The following DPYD variants were observed in gnomAD, a reference collection of about 807,000 sequenced individuals.
The protein encoded by DPYD is dihydropyrimidine dehydrogenase [NADP(+)].
DPYD carries 109 observed loss-of-function variants against 116.2 expected under a neutral mutation model. That is an observed-to-expected ratio of 0.94 (90% CI 0.80 to 1.10). The LOEUF (loss-of-function observed/expected upper bound fraction) is 1.10. DPYD is among the 50% of genes least tolerant of loss of function. DPYD has a pLI of 0.00. For synonymous variants in DPYD, 440 were observed against 432.0 expected (o/e 1.02, Z -0.23); for missense variants, 1,302 against 1,254.5 (o/e 1.04, Z -0.57).
At chr1:97,457,214 A>G (rs1676737139) in intron 13 of DPYD, among the ~76,000 whole-genome samples, 1 of 152,134 alleles carries the variant, frequency 6.6e-6, no homozygotes. Flanking sequence ...AAAACTGACC[A>G]GACTGAATGT....
In DPYD at chr1:97,082,436, G is replaced by A. The variant is rs1452056769; in HGVS notation, c.2801C>T (p.Thr934Ile). The change falls in exon 22 of 23, where the codon ACA becomes ATA. Residue 934 changes from threonine (T) to isoleucine (I), a missense_variant. By Grantham distance (89) the Thr-to-Ile change is moderately conservative. Transcript: ENST00000370192. ...CTCTACGTTGCTCAATTCACCAAAT[G>A]TTCCAAGGTACTGCAGTGCTTTTCC... ...VIGKALQYLGTFGELSNVEQV... is the reference protein window; with the variant it reads ...VIGKALQYLGIFGELSNVEQV... The A allele has an allele frequency of 3.1e-6, 5 of 1,613,464 alleles. No individual in the cohort carries two copies. Among genetic ancestry groups the A allele is most frequent in the Non-Finnish European group, 4.2e-6 (5 of 1,179,644 alleles).
intron 3 of DPYD, among the ~76,000 whole-genome samples, chr1:97,822,597 A>C (rs1412109816): frequency 6.6e-6 from 1 of 151,592 alleles, no homozygotes; most frequent in Non-Finnish European, 1.5e-5. Flanking sequence ...AAATTAATAC[A>C]AAAAAAAGTA....
At chr1:97,834,774 A>T (rs1156959808) in intron 2 of DPYD, among the ~76,000 whole-genome samples, 1 of 151,950 alleles carries the variant, frequency 6.6e-6, no homozygotes, top group African/African-American at 2.4e-5. Flanking sequence ...AAAAAAAAAA[A>T]ATGAGTCAAT....
rs940778446 is a variant in DPYD, at chr1:97,187,920, C to T, written c.2622+5149G>A. ...TCTTTCTGGGTTCTTTATTCTGTTC[C>T]ATTGATCCATGTGTCTATTTTTGTA... On this transcript the variant is annotated intron_variant, in intron 20 of 22. Coordinates refer to ENST00000370192, the MANE Select transcript of DPYD (RefSeq NM_000110.4). Among the ~76,000 whole-genome samples, 4 of 152,044 alleles carry T rather than the reference C, an allele frequency of 2.6e-5. 1 individual carries two copies. The highest frequency in any genetic ancestry group is 9.7e-5 in the African/African-American group (4 of 41,384).
chr1:97,912,488 A>C (rs1028968085), intron 1 of DPYD, among the ~76,000 whole-genome samples: 2 of 152,120 alleles, frequency 1.3e-5, no homozygotes, highest in South Asian at 4.1e-4. Flanking sequence ...TATATGACTA[A>C]AAGTATTTAG....
At chr1:97,914,270 G>A (rs1208625618) in intron 1 of DPYD, among the ~76,000 whole-genome samples, 5 of 152,114 alleles carry the variant, frequency 3.3e-5, no homozygotes, top group Non-Finnish European at 5.9e-5. Flanking sequence ...TTTCCTAGGA[G>A]CTAAAAGAGT....
intron 16 of DPYD, among the ~76,000 whole-genome samples, chr1:97,336,573 ACT>A (rs1343781099): frequency 1.3e-5 from 2 of 152,092 alleles, no homozygotes; most frequent in African/African-American, 4.8e-5. Context: ...ACAAGGCAAA[ACT>A]CTGTCTCTAC....
intron 21 of DPYD, among the ~76,000 whole-genome samples, chr1:97,088,236 T>G (rs1649658052): frequency 6.6e-6 from 1 of 152,228 alleles, no homozygotes; most frequent in Non-Finnish European, 1.5e-5. Context: ...TTAGGTTTAC[T>G]AAAGGTGGGA....
chr1:97,887,521 C>T (rs1672564976), intron 1 of DPYD, among the ~76,000 whole-genome samples: 1 of 143,664 alleles, frequency 7.0e-6, no homozygotes, highest in Admixed American at 7.0e-5. Context: ...AGTAACAAGT[C>T]GCCCTCCTCT....
In DPYD at chr1:97,078,985, C is replaced by T. The variant is rs749122978; in HGVS notation, c.3069G>A (p.Pro1023=). 3.5e-5 allele frequency: 56 copies of T among 1,613,386 alleles called. No homozygotes were observed. Among genetic ancestry groups the T allele is most frequent in the Non-Finnish European group, 3.9e-5 (46 of 1,179,588 alleles). The change falls in exon 23 of 23, where the codon CCG becomes CCA. Residue 1023 remains proline (P), a synonymous_variant. Coordinates refer to ENST00000370192, the MANE Select transcript of DPYD (RefSeq NM_000110.4). The part of the protein sequence containing the change: ...PKRGVPLSVN[P]VC ...TGTTTCACAAATCACCTTAACACAC[C>T]GGATTCACAGATAAGGGTACGCCTC...
intron 12 of DPYD, among the ~76,000 whole-genome samples, chr1:97,545,176 G>GA (rs1018719966): frequency 1.3e-5 from 2 of 151,882 alleles, no homozygotes; most frequent in African/African-American, 2.4e-5. Context: ...GTCTTATAAT[G>GA]AAAAAAAATT....
intron 2 of DPYD, among the ~76,000 whole-genome samples, chr1:97,843,908 ATACT>A (rs1670163095): frequency 1.3e-5 from 2 of 152,222 alleles, no homozygotes; most frequent in Admixed American, 1.3e-4. Flanking sequence ...AAAAATATAC[ATACT>A]TCAAATGTTT....
intron 12 of DPYD, among the ~76,000 whole-genome samples, chr1:97,523,151 A>G (rs1030231941): frequency 1.2e-4 from 19 of 152,180 alleles, no homozygotes; most frequent in African/African-American, 4.6e-4. Flanking sequence ...CAAAAGGAAA[A>G]GAAGCTGAAG....
intron 7 of DPYD, among the ~76,000 whole-genome samples, chr1:97,679,579 C>T (rs2100918403): frequency 6.6e-6 from 1 of 152,210 alleles, no homozygotes; most frequent in South Asian, 2.1e-4. Context: ...GCTATGATCA[C>T]CACATGTGTA....
intron 11 of DPYD, among the ~76,000 whole-genome samples, chr1:97,567,572 C>G (rs1652610235): frequency 1.3e-5 from 2 of 152,146 alleles, no homozygotes; most frequent in African/African-American, 4.8e-5. Flanking sequence ...TGTCTCCGCT[C>G]TACTGAGCAG....
In DPYD at chr1:97,679,048, TA is replaced by T. The variant is rs761223240; in HGVS notation, c.850+46del. ...CATTCTTCTGGATATTGCTAGGAAA[TA>T]AAAAAATACATTATAAATAAATATA... On this transcript the variant is annotated intron_variant, in intron 8 of 22. Transcript: ENST00000370192. 31 of 950,624 alleles carry T rather than the reference TA, an allele frequency of 3.3e-5. No individual in the cohort carries two copies. In the South Asian group the frequency reaches 4.3e-4, roughly 13 times the overall value. 58.9% of individuals were successfully genotyped at this position (950,624 alleles called of 1,614,324 possible).
intron 7 of DPYD, among the ~76,000 whole-genome samples, chr1:97,682,503 T>C (rs887173100): frequency 2.0e-5 from 3 of 151,854 alleles, no homozygotes; most frequent in African/African-American, 4.9e-5. Flanking sequence ...AAATAATCTA[T>C]TCTTAGAAAG....
At chr1:97,481,247 C>A (rs757426801) in intron 13 of DPYD, among the ~76,000 whole-genome samples, 1 of 151,736 alleles carries the variant, frequency 6.6e-6, no homozygotes, top group Non-Finnish European at 1.5e-5. Flanking sequence ...TTTTTTTGCA[C>A]ATATTATTTG....
At chr1:97,272,506 T>C (rs1431189501) in intron 18 of DPYD, among the ~76,000 whole-genome samples, 1 of 152,164 alleles carries the variant, frequency 6.6e-6, no homozygotes. Context: ...AAGATCTTCA[T>C]TAATGATTAA....
Sources: gnomAD v4.1 joint callset for allele counts (sites outside exome capture counted in the v4.1 genomes callset) on GRCh38, gnomAD v4.1.1 for gene constraint, MANE v1.5 for transcripts, NCBI Gene and HGNC (gene_info 2026-07-23, HGNC 2026-07-21) for gene names.